Variants in PCDHA9 observed in about 807,000 individuals in gnomAD.
The protein encoded by PCDHA9 is protocadherin alpha 9, also known as protocadherin alpha-9.
A neutral mutation model predicts 62.0 loss-of-function variants in PCDHA9; 62 were observed. The ratio of observed to expected loss-of-function variants is 1.00; its 90% CI spans 0.81 to 1.23. The LOEUF (loss-of-function observed/expected upper bound fraction) is 1.23. Among genes scored for constraint, PCDHA9 ranks in the 50% most tolerant of loss-of-function variants. The pLI is 0.00. For synonymous variants in PCDHA9, 557 were observed against 567.6 expected (o/e 0.98, Z 0.27); for missense variants, 1,205 against 1,249.8 (o/e 0.96, Z 0.54).
intron 1 of PCDHA9, chr5:140,876,391 G>T: frequency 6.2e-7 from 1 of 1,613,920 alleles, no homozygotes; most frequent in South Asian, 1.1e-5. Context: ...AATTTATGGT[G>T]AACTGGATTT....
At chr5:140,998,939 A>C (rs1299425979) in intron 3 of PCDHA9, among the ~76,000 whole-genome samples, 2 of 152,248 alleles carry the variant, frequency 1.3e-5, no homozygotes, top group Admixed American at 1.3e-4. Flanking sequence ...CAGATGAAGA[A>C]ACTGTAAGTC....
intron 1 of PCDHA9, among the ~76,000 whole-genome samples, chr5:140,959,960 T>C (rs1236536895): frequency 6.6e-6 from 1 of 152,124 alleles, no homozygotes; most frequent in Non-Finnish European, 1.5e-5. Context: ...AGGTAGGAGG[T>C]AGATGTTACT....
chr5:140,882,226 G>T, intron 1 of PCDHA9: 1 of 1,564,150 alleles, frequency 6.4e-7, no homozygotes, highest in Admixed American at 1.9e-5. Context: ...GAGGTAAGGC[G>T]TTGTATATAT....
At chr5:140,917,334 G>GGGGGGGGGGGGGGT in intron 1 of PCDHA9, among the ~76,000 whole-genome samples, 1 of 147,630 alleles carries the variant, frequency 6.8e-6, no homozygotes, top group Non-Finnish European at 1.5e-5. Flanking sequence ...CGGGGGAGGG[G>GGGGGGGGGGGGGGT]GGGGATGGTG....
intron 1 of PCDHA9, among the ~76,000 whole-genome samples, chr5:140,913,185 G>A (rs1331767738): frequency 2.6e-5 from 4 of 152,166 alleles, no homozygotes; most frequent in African/African-American, 9.7e-5. Flanking sequence ...TAAATGTTTG[G>A]TAGAATTTGG....
chr5:140,941,373 G>A (rs576282436), intron 1 of PCDHA9, among the ~76,000 whole-genome samples: 2 of 134,082 alleles, frequency 1.5e-5, no homozygotes, highest in South Asian at 5.1e-4. Flanking sequence ...CTGGAGTGTA[G>A]TGACAGGATT....
At chr5:140,889,910 T>C (rs1554184095) in intron 1 of PCDHA9, among the ~76,000 whole-genome samples, 1 of 152,156 alleles carries the variant, frequency 6.6e-6, no homozygotes, top group East Asian at 1.9e-4. Flanking sequence ...GAGATTGTCA[T>C]ACTGTAAAGA....
At chr5:140,884,130 C>G (rs1554181258) in intron 1 of PCDHA9, 4 of 1,613,434 alleles carry the variant, frequency 2.5e-6, no homozygotes, top group African/African-American at 1.3e-5. Context: ...GCGCGCATCC[C>G]GTTCCGCGTG....
chr5:140,968,632 C>T, intron 1 of PCDHA9: 1 of 1,614,176 alleles, frequency 6.2e-7, no homozygotes, highest in Non-Finnish European at 8.5e-7. Flanking sequence ...GGCTTTTTTA[C>T]CATCTAGCCC....
intron 1 of PCDHA9, among the ~76,000 whole-genome samples, chr5:140,975,683 G>A (rs1226769029): frequency 2.0e-5 from 3 of 151,934 alleles, no homozygotes; most frequent in Non-Finnish European, 2.9e-5. Context: ...AATAAAATAG[G>A]GTATTTTAAA....
At chr5:140,995,500 G>A (rs541415385) in intron 3 of PCDHA9, among the ~76,000 whole-genome samples, 22 of 152,298 alleles carry the variant, frequency 1.4e-4, no homozygotes, top group Admixed American at 1.2e-3. Flanking sequence ...AAGGTTGACT[G>A]TGGGTAACTG....
chr5:140,942,906 G>A (rs1454697434), intron 1 of PCDHA9, among the ~76,000 whole-genome samples: 1 of 151,800 alleles, frequency 6.6e-6, no homozygotes, highest in South Asian at 2.1e-4. Flanking sequence ...CTAAGAATAA[G>A]CGTGAAGAAA....
At position 141,011,371 on chromosome 5, in the gene PCDHA9, G is replaced by A. The variant is rs782444449; in HGVS notation, c.*1434G>A. 6.5e-6 allele frequency: 1 copy of A among 153,724 alleles called. No homozygotes were observed. The highest frequency in any genetic ancestry group is 1.5e-5 in the Non-Finnish European group (1 of 68,022). 9.5% of individuals were successfully genotyped at this position (153,724 alleles called of 1,614,324 possible). On this transcript the variant is annotated 3_prime_UTR_variant, in exon 4 of 4. Transcript: ENST00000532602. ...CTCCCATATGTATGCTGTATGCTAT[G>A]CTAAGACTCCTGAAATATACTTACT...
At chr5:140,898,751 A>G (rs2066956971) in intron 1 of PCDHA9, among the ~76,000 whole-genome samples, 1 of 152,050 alleles carries the variant, frequency 6.6e-6, no homozygotes, top group Admixed American at 6.6e-5. Context: ...CTTGATGGGG[A>G]TGGCATTGAA....
chr5:140,994,377 G>C (rs1260163825), intron 3 of PCDHA9, among the ~76,000 whole-genome samples: 3 of 152,098 alleles, frequency 2.0e-5, no homozygotes, highest in Non-Finnish European at 4.4e-5. Context: ...GGAAATTCAG[G>C]GGACTAAGTC....
In PCDHA9 at chr5:140,915,928, T is replaced by C. The variant is rs141949892; in HGVS notation, c.2395-63021T>C. ...CAGGCCCAGAGATGCTACTTGGGAG[T>C]CAGGGATTGGAGTCAAAATACTTAG... On this transcript the variant is annotated intron_variant, in intron 1 of 3. Coordinates refer to ENST00000532602, the MANE Select transcript of PCDHA9 (RefSeq NM_031857.2). Among the ~76,000 whole-genome samples the C allele has an allele frequency of 8.0e-3, 1,213 of 151,944 alleles. 5 individuals carry two copies. The highest frequency in any genetic ancestry group is 0.019 in the African/African-American group (783 of 41,424).
intron 1 of PCDHA9, among the ~76,000 whole-genome samples, chr5:140,921,145 T>G (rs2080047732): frequency 4.1e-5 from 1 of 24,298 alleles, no homozygotes; most frequent in Admixed American, 5.4e-4. Flanking sequence ...TACACCCAGC[T>G]AATGCATTTT....
chr5:141,002,059 G>A (rs983772482), intron 3 of PCDHA9, among the ~76,000 whole-genome samples: 1 of 152,242 alleles, frequency 6.6e-6, no homozygotes, highest in Non-Finnish European at 1.5e-5. Flanking sequence ...AGAGGCAGCA[G>A]CAGCCGCCAG....
intron 1 of PCDHA9, among the ~76,000 whole-genome samples, chr5:140,894,494 T>C (rs1412845995): frequency 6.6e-6 from 1 of 151,992 alleles, no homozygotes; most frequent in Non-Finnish European, 1.5e-5. Flanking sequence ...TAGTTTTCTT[T>C]AGGCATTATC....
Sources: allele counts gnomAD v4.1 joint callset (sites outside exome capture counted in the v4.1 genomes callset), GRCh38; gene constraint gnomAD v4.1.1; transcripts MANE v1.5; gene names NCBI Gene and HGNC (gene_info 2026-07-23, HGNC 2026-07-21).